The following FAT3 variants were observed in gnomAD, a reference collection of about 807,000 sequenced individuals.
The protein encoded by FAT3 is protocadherin Fat 3.
Under a neutral mutation model 310.2 loss-of-function variants are expected in FAT3, and 95 were observed. The observed-to-expected ratio is 0.31, with a 90% CI of 0.26 to 0.36. The LOEUF (loss-of-function observed/expected upper bound fraction) is 0.36, where lower values mean the gene tolerates loss of function less well. FAT3 is among the 10% of genes least tolerant of loss of function. FAT3 has a pLI of 1.00. For synonymous variants in FAT3, 2,314 were observed against 2,192.9 expected (o/e 1.06, Z -1.54); for missense variants, 5,408 against 5,715.6 (o/e 0.95, Z 1.74).
At chr11:92,484,695 G>C (rs1030137100) in intron 2 of FAT3, among the ~76,000 whole-genome samples, 2 of 152,206 alleles carry the variant, frequency 1.3e-5, no homozygotes, top group African/African-American at 4.8e-5. Context: ...TTGTAAGTTA[G>C]ATGAGAAGGA....
Position 92,837,726 on chromosome 11 carries a change from G to A in FAT3, c.10288G>A (p.Ala3430Thr). 1 of 1,613,944 alleles carries A rather than the reference G, an allele frequency of 6.2e-7. No individual in the cohort carries two copies. Among genetic ancestry groups the A allele is most frequent in the Non-Finnish European group, 8.5e-7 (1 of 1,179,878 alleles). Residue 3430 changes from alanine (A) to threonine (T), a missense_variant, in exon 17 of 28, where the codon GCA becomes ACA. This residue lies in a region of FAT3 where 4,588 missense variants were observed against 4,809.8 expected (regional missense o/e 0.95). Coordinates refer to ENST00000525166, the MANE Select transcript of FAT3 (RefSeq NM_001367949.2). ...TGGCATTCCTGCAATGTCATCAACT[G>A]CAACTGTCAACATTGATATTTCTGA... ...DSGIPAMSST[A>T]TVNIDISDVN...
intron 3 of FAT3, among the ~76,000 whole-genome samples, chr11:92,694,383 T>C (rs1943879113): frequency 1.3e-5 from 2 of 152,374 alleles, no homozygotes; most frequent in Middle Eastern, 6.8e-3. Context: ...AAACTGCTTG[T>C]CTTCCTCACA....
rs768323236 is a variant in FAT3, at chr11:92,794,637, C to T, written c.4822+1660C>T. Among the ~76,000 whole-genome samples the T allele has an allele frequency of 1.2e-3, 180 of 152,280 alleles. 15 individuals are homozygous for T. Among genetic ancestry groups the T allele is most frequent in the Middle Eastern group, 6.8e-3 (2 of 294 alleles). On this transcript the variant is annotated intron_variant, in intron 9 of 27. Coordinates refer to ENST00000525166, the MANE Select transcript of FAT3 (RefSeq NM_001367949.2). Reference sequence around the variant, plus strand: ...TACAGACTACAGCATGGTGCCCAGTCGTTTCTTTAACTGACTAAAACAAGA... The same window carrying T: ...TACAGACTACAGCATGGTGCCCAGTTGTTTCTTTAACTGACTAAAACAAGA...
At chr11:92,414,799 G>A (rs1411202373) in intron 2 of FAT3, among the ~76,000 whole-genome samples, 2 of 151,882 alleles carry the variant, frequency 1.3e-5, no homozygotes, top group Non-Finnish European at 2.9e-5. Context: ...TCACGAGGTC[G>A]GGAGATCGGG....
intron 2 of FAT3, among the ~76,000 whole-genome samples, chr11:92,502,902 G>C (rs892297470): frequency 5.3e-5 from 8 of 152,090 alleles, no homozygotes; most frequent in Non-Finnish European, 7.4e-5. Flanking sequence ...ACCTTGAAAA[G>C]GTTACTAAAA....
At chr11:92,626,157 C>G (rs1395255771) in intron 3 of FAT3, among the ~76,000 whole-genome samples, 2 of 152,068 alleles carry the variant, frequency 1.3e-5, no homozygotes, top group Non-Finnish European at 2.9e-5. Context: ...AGCCCCAAAG[C>G]CTGAGTGAAT....
chr11:92,296,041 C>T (rs1190213721), intron 1 of FAT3, among the ~76,000 whole-genome samples: 2 of 152,044 alleles, frequency 1.3e-5, no homozygotes, highest in Non-Finnish European at 2.9e-5. Flanking sequence ...AGGGAGGAGG[C>T]CACCTTACAG....
intron 2 of FAT3, among the ~76,000 whole-genome samples, chr11:92,444,080 G>C (rs1480246689): frequency 6.6e-6 from 1 of 152,138 alleles, no homozygotes; most frequent in Admixed American, 6.6e-5. Context: ...ACCAAAATTT[G>C]ATTCCAAATC....
chr11:92,696,876 A>G (rs568219623), intron 3 of FAT3, among the ~76,000 whole-genome samples: 2 of 152,318 alleles, frequency 1.3e-5, no homozygotes, highest in East Asian at 3.9e-4. Flanking sequence ...TTTGTGTGTA[A>G]GTTATTAAAT....
At chr11:92,702,943 C>T (rs1944147219) in intron 4 of FAT3, among the ~76,000 whole-genome samples, 1 of 152,216 alleles carries the variant, frequency 6.6e-6, no homozygotes, top group African/African-American at 2.4e-5. Flanking sequence ...CATATGTATG[C>T]ATAGAATTTG....
chr11:92,791,008 C>A (rs1947027555), intron 8 of FAT3, among the ~76,000 whole-genome samples: 1 of 152,144 alleles, frequency 6.6e-6, no homozygotes, highest in African/African-American at 2.4e-5. Context: ...TAAAATACTA[C>A]ACTAAGACAG....
chr11:92,807,231 A>G (rs76071949), intron 12 of FAT3, among the ~76,000 whole-genome samples: 215 of 152,260 alleles, frequency 1.4e-3, no homozygotes, highest in African/African-American at 4.8e-3. Flanking sequence ...TGAGGGAAAT[A>G]AGAGAAAGTT....
At chr11:92,751,576 G>T (rs1179444341) in intron 4 of FAT3, among the ~76,000 whole-genome samples, 1 of 152,166 alleles carries the variant, frequency 6.6e-6, no homozygotes, top group Non-Finnish European at 1.5e-5. Context: ...GCTGAAAGAA[G>T]TTGCAGCCAT....
chr11:92,470,724 TA>T (rs1322939678), intron 2 of FAT3, among the ~76,000 whole-genome samples: 1 of 152,226 alleles, frequency 6.6e-6, no homozygotes, highest in Non-Finnish European at 1.5e-5. Flanking sequence ...TGCACACATG[TA>T]CACACTGGTC....
intron 4 of FAT3, among the ~76,000 whole-genome samples, chr11:92,714,252 G>T (rs10501795): frequency 0.037 from 5,577 of 152,198 alleles, 243 homozygotes; most frequent in East Asian, 0.21. Context: ...ACAATGTTCT[G>T]CCTACTAGGT....
Position 92,792,866 on chromosome 11 carries a change from T to C in FAT3, c.4711T>C (p.Tyr1571His). Residue 1571 changes from tyrosine (Y) to histidine (H), a missense_variant, in exon 9 of 28, where the codon TAT becomes CAT. Tyr to His is a moderately conservative substitution (Grantham distance 83). Around this residue, in one of 5 missense-constraint regions of FAT3, gnomAD observed 4,588 missense variants for 4,809.8 expected, o/e 0.95. Transcript: ENST00000525166. ...DHSPYFTNPL[Y>H]EASVFESAAL... ...CAGTCCTTATTTTACCAACCCACTG[T>C]ATGAAGCGTCTGTGTTTGAATCTGC... 1 of 1,613,846 alleles carries C rather than the reference T, an allele frequency of 6.2e-7. No individual in the cohort carries two copies. Among genetic ancestry groups the C allele is most frequent in the Non-Finnish European group, 8.5e-7 (1 of 1,179,790 alleles).
At chr11:92,443,235 T>A (rs184608789) in intron 2 of FAT3, among the ~76,000 whole-genome samples, 2 of 152,276 alleles carry the variant, frequency 1.3e-5, no homozygotes, top group Non-Finnish European at 2.9e-5. Flanking sequence ...TCTTCCTAGT[T>A]TATTGTTTCT....
At chr11:92,850,993 G>C (rs1382919191) in intron 19 of FAT3, among the ~76,000 whole-genome samples, 1 of 152,164 alleles carries the variant, frequency 6.6e-6, no homozygotes, top group East Asian at 1.9e-4. Flanking sequence ...AAACCTTTCA[G>C]GGAATGGTCA....
chr11:92,388,886 T>C (rs1949686635), intron 2 of FAT3, among the ~76,000 whole-genome samples: 1 of 152,232 alleles, frequency 6.6e-6, no homozygotes, highest in South Asian at 2.1e-4. Context: ...TTGAAGGTCA[T>C]GTCCCTTTCC....
Sources: gnomAD v4.1 joint callset for allele counts (sites outside exome capture counted in the v4.1 genomes callset) on GRCh38, gnomAD v4.1.1 for gene constraint, gnomAD v4.1.1 regional missense constraint, MANE v1.5 for transcripts, NCBI Gene and HGNC (gene_info 2026-07-23, HGNC 2026-07-21) for gene names.